CRISPLD2: variants seen among roughly 807,000 people sequenced by gnomAD.
The protein encoded by CRISPLD2 is cysteine-rich secretory protein LCCL domain-containing 2.
CRISPLD2 carries 47 observed loss-of-function variants against 71.1 expected under a neutral mutation model. That is an observed-to-expected ratio of 0.66 (90% confidence interval 0.52 to 0.84). The LOEUF is 0.84. Among genes scored for constraint, CRISPLD2 ranks in the 40% least tolerant of loss-of-function variants. CRISPLD2 has a pLI of 0.00. For missense variants in CRISPLD2, 830 were observed against 651.1 expected, an observed-to-expected ratio of 1.27 and a Z score of -2.99; for synonymous variants, 317 against 250.1, an observed-to-expected ratio of 1.27 and a Z score of -2.52.
chr16:84,903,541 G>A (rs1402338494), intron 14 of CRISPLD2, among the ~76,000 whole-genome samples: 3 of 150,234 alleles, frequency 2.0e-5, no homozygotes, highest in African/African-American at 4.9e-5. Context: ...GCAATGAGCC[G>A]AGATCACACC....
chr16:84,904,910 C>T (rs767929354), intron 14 of CRISPLD2, among the ~76,000 whole-genome samples: 26 of 152,294 alleles, frequency 1.7e-4, no homozygotes, highest in East Asian at 3.9e-4. Context: ...CTAGATATGA[C>T]GCCAAAAGCA....
Position 84,889,300 on chromosome 16 carries a change from T to C in CRISPLD2, c.1376T>C (p.Val459Ala), listed in dbSNP as rs1264005387. Residue 459 changes from valine to alanine, a missense_variant, in exon 14 of 15, where the codon GTG (valine) becomes GCG (alanine). Physicochemically the swap from Val to Ala is moderately conservative, Grantham distance 64. Transcript: ENST00000262424. Reference protein sequence around the residue: ...ISNESGGDVDVMPVDKKKTYV... With the variant: ...ISNESGGDVDAMPVDKKKTYV... ...AACGAGAGTGGGGGTGACGTGGACG[T>C]GATGCCCGTGGATAAAAAGAAGACC... 1 of 1,613,958 alleles carries C rather than the reference T, an allele frequency of 6.2e-7. No homozygotes were observed. The highest frequency in any genetic ancestry group is 1.3e-5 in the African/African-American group (1 of 74,912).
intron 5 of CRISPLD2, among the ~76,000 whole-genome samples, chr16:84,852,667 G>T (rs534131761): frequency 5.3e-5 from 8 of 152,220 alleles, no homozygotes; most frequent in Non-Finnish European, 1.0e-4. Context: ...TTGGGTGTGG[G>T]GGGGGTCAGA....
chr16:84,823,506 C>G (rs1448706117), intron 1 of CRISPLD2, among the ~76,000 whole-genome samples: 1 of 152,178 alleles, frequency 6.6e-6, no homozygotes, highest in African/African-American at 2.4e-5. Flanking sequence ...CTGGCCTTCT[C>G]CATGGGTGCA....
intron 6 of CRISPLD2, among the ~76,000 whole-genome samples, chr16:84,858,481 G>A (rs2087994): frequency 0.58 from 87,500 of 152,068 alleles, 26,901 homozygotes; most frequent in African/African-American, 0.78. Flanking sequence ...CTAGACCCCT[G>A]TAAATTTTAC....
intron 10 of CRISPLD2, 25 bp downstream of exon 10, chr16:84,873,147 T>C (rs774215475): frequency 1.9e-6 from 3 of 1,600,112 alleles, no homozygotes; most frequent in Non-Finnish European, 1.7e-6. Context: ...ATCGGGGCTC[T>C]GTGAAACGGT....
chr16:84,875,455 A>G (rs2071510126), intron 11 of CRISPLD2, among the ~76,000 whole-genome samples: 1 of 123,420 alleles, frequency 8.1e-6, no homozygotes, highest in Non-Finnish European at 1.6e-5. Context: ...ATCAGCTATC[A>G]TTAGTGTTAG....
chr16:84,904,607 T>A (rs567653302), intron 14 of CRISPLD2, among the ~76,000 whole-genome samples: 6,408 of 140,010 alleles, frequency 0.046, 170 homozygotes, highest in Non-Finnish European at 0.062. Flanking sequence ...AAAAAAAATT[T>A]AAAAAAAAAA....
chr16:84,825,558 C>G (rs1467356689), intron 1 of CRISPLD2, among the ~76,000 whole-genome samples: 3 of 152,110 alleles, frequency 2.0e-5, no homozygotes, highest in Non-Finnish European at 4.4e-5. Flanking sequence ...GAGTTCGAGA[C>G]CAGCCTGGCT....
intron 14 of CRISPLD2, among the ~76,000 whole-genome samples, chr16:84,895,796 C>T (rs937697569): frequency 6.6e-6 from 1 of 152,144 alleles, no homozygotes; most frequent in African/African-American, 2.4e-5. Context: ...CTACTGAGCA[C>T]CTGCTGGATG....
rs774057173 is a variant in CRISPLD2 at position 84,877,421 on chromosome 16, C to T, written c.1157-17C>T. The T allele has an allele frequency of 6.2e-7, 1 of 1,613,086 alleles. No homozygotes were observed. Among genetic ancestry groups the T allele is most frequent in the Admixed American group, 1.7e-5 (1 of 60,012 alleles). On this transcript the variant is annotated splice_polypyrimidine_tract_variant and intron_variant, in intron 11 of 14. Transcript: ENST00000262424. ...CGTGCTGGGACCTGACCCTTTCCCCCTTGCTCCTGTTCACAGTGCAGGATT... is the reference window on the plus strand; with the variant it reads ...CGTGCTGGGACCTGACCCTTTCCCCTTTGCTCCTGTTCACAGTGCAGGATT...
At chr16:84,822,332 C>T (rs1199432581) in intron 1 of CRISPLD2, among the ~76,000 whole-genome samples, 1 of 152,226 alleles carries the variant, frequency 6.6e-6, no homozygotes, top group Non-Finnish European at 1.5e-5. Context: ...CAAAAGACCA[C>T]AAATTAAGTA....
chr16:84,848,139 T>C (rs1374325130), intron 3 of CRISPLD2, among the ~76,000 whole-genome samples: 1 of 152,194 alleles, frequency 6.6e-6, no homozygotes, highest in African/African-American at 2.4e-5. Flanking sequence ...CGCGGGTTCC[T>C]TTCCCCACAG....
chr16:84,827,077 C>G (rs962443992), intron 1 of CRISPLD2, among the ~76,000 whole-genome samples: 1 of 152,040 alleles, frequency 6.6e-6, no homozygotes, highest in Admixed American at 6.6e-5. Context: ...CGCCGTAGCC[C>G]CGGTCACAGC....
chr16:84,880,239 C>T (rs1461412602), intron 12 of CRISPLD2, among the ~76,000 whole-genome samples: 1 of 152,170 alleles, frequency 6.6e-6, no homozygotes, highest in East Asian at 1.9e-4. Context: ...GATTTTTATT[C>T]TCTTTACCTT....
intron 3 of CRISPLD2, among the ~76,000 whole-genome samples, chr16:84,848,098 C>G (rs1916964815): frequency 6.6e-6 from 1 of 152,196 alleles, no homozygotes; most frequent in African/African-American, 2.4e-5. Context: ...TGCAAAAGAG[C>G]CCCTGACTCT....
chr16:84,880,807 A>G (rs8063259), intron 13 of CRISPLD2: 3,889 of 370,916 alleles, frequency 0.01, 139 homozygotes, highest in African/African-American at 0.074. Flanking sequence ...CCAGGTTCAA[A>G]CGATTCTTGT....
At chr16:84,851,901 G>A (rs1397389491) in intron 5 of CRISPLD2, among the ~76,000 whole-genome samples, 4 of 152,204 alleles carry the variant, frequency 2.6e-5, no homozygotes, top group Admixed American at 2.6e-4. Flanking sequence ...TATACAGTGC[G>A]ACACAGTCTC....
At chr16:84,853,723 T>G (rs1443034859) in intron 5 of CRISPLD2, among the ~76,000 whole-genome samples, 2 of 152,216 alleles carry the variant, frequency 1.3e-5, no homozygotes. Flanking sequence ...CCTGTGGATT[T>G]CCCCAACGCT....
Sources: gnomAD v4.1 joint callset for allele counts (sites outside exome capture counted in the v4.1 genomes callset) on GRCh38, gnomAD v4.1.1 for gene constraint, MANE v1.5 for transcripts, NCBI Gene and HGNC (gene_info 2026-07-23, HGNC 2026-07-21) for gene names.